The following WDPCP variants were observed in gnomAD, a reference collection of about 807,000 sequenced individuals.
The protein encoded by WDPCP is WD repeat containing planar cell polarity effector.
A neutral mutation model predicts 93.1 loss-of-function variants in WDPCP; 71 were observed. The ratio of observed to expected loss-of-function variants is 0.76; its 90% CI spans 0.63 to 0.93. WDPCP has a LOEUF of 0.93. Among genes scored for constraint, WDPCP ranks in the 40% least tolerant of loss-of-function variants. The pLI is 0.00. For synonymous variants in WDPCP, 315 were observed against 315.0 expected (o/e 1.00, Z 0.00); for missense variants, 844 against 887.4 (o/e 0.95, Z 0.62).
chr2:63,455,118 A>G (rs1228808338), intron 6 of WDPCP, among the ~76,000 whole-genome samples: 1 of 152,136 alleles, frequency 6.6e-6, no homozygotes, highest in Admixed American at 6.6e-5. Context: ...TATAAAAATC[A>G]TTGGTAATAC....
chr2:63,733,734 T>G (rs1452636091), intron 2 of WDPCP, among the ~76,000 whole-genome samples: 1 of 152,230 alleles, frequency 6.6e-6, no homozygotes, highest in Non-Finnish European at 1.5e-5. Flanking sequence ...GAATCTTCAA[T>G]TTGTATTTTT....
At chr2:63,748,806 A>C (rs1669836263) in intron 2 of WDPCP, among the ~76,000 whole-genome samples, 1 of 152,042 alleles carries the variant, frequency 6.6e-6, no homozygotes, top group African/African-American at 2.4e-5. Flanking sequence ...TTTTGTTGTG[A>C]GTTGTTCATT....
chr2:63,568,366 C>T (rs76220166), intron 1 of WDPCP, among the ~76,000 whole-genome samples: 2 of 150,182 alleles, frequency 1.3e-5, no homozygotes, highest in Non-Finnish European at 1.5e-5. Context: ...AAAAAAAAAC[C>T]TCTCTCTCTA....
intron 2 of WDPCP, among the ~76,000 whole-genome samples, chr2:63,750,550 G>T (rs750015770): frequency 6.6e-6 from 1 of 152,010 alleles, no homozygotes; most frequent in African/African-American, 2.4e-5. Context: ...TTGAGTACAA[G>T]TTGTAAGGGT....
intron 15 of WDPCP, among the ~76,000 whole-genome samples, chr2:63,161,767 C>CT (rs1177379979): frequency 0.033 from 4,615 of 140,448 alleles, 236 homozygotes; most frequent in African/African-American, 0.11. Context: ...TCATTTTTTT[C>CT]TTTTTTTTTT....
intron 3 of WDPCP, among the ~76,000 whole-genome samples, chr2:63,645,488 A>G (rs1710037177): frequency 6.6e-6 from 1 of 152,220 alleles, no homozygotes; most frequent in Non-Finnish European, 1.5e-5. Context: ...CAGCCATTGG[A>G]TGAAATGTTC....
chr2:63,164,018 C>T (rs1188119591), intron 15 of WDPCP, among the ~76,000 whole-genome samples: 1 of 152,104 alleles, frequency 6.6e-6, no homozygotes, highest in Non-Finnish European at 1.5e-5. Flanking sequence ...GGAAACCAAC[C>T]AGTATTGTAG....
Position 63,744,840 on chromosome 2 carries a change from A to T in WDPCP, n.308+68782T>A, listed in dbSNP as rs532904920. 8.6e-5 allele frequency among the ~76,000 whole-genome samples: 13 copies of T among 152,030 alleles called. No individual in the cohort carries two copies. In the South Asian group the frequency reaches 2.7e-3, roughly 32 times the overall value. ...CCTACCCACCCCACCTCCTGCACAA[A>T]TAGTTTCACCATCTGTCTATAACAC... On this transcript the variant is annotated intron_variant and non_coding_transcript_variant, in intron 2 of 4. Transcript: ENST00000467687.
At chr2:63,597,266 C>CT (rs1709331828) in intron 3 of WDPCP, 5 of 1,239,092 alleles carry the variant, frequency 4.0e-6, no homozygotes, top group Middle Eastern at 3.1e-4. Flanking sequence ...TCTCAGGCTC[C>CT]TGAAATGTAT....
intron 2 of WDPCP, among the ~76,000 whole-genome samples, chr2:63,702,186 C>T (rs1039415119): frequency 1.3e-5 from 2 of 151,744 alleles, no homozygotes; most frequent in Admixed American, 6.6e-5. Flanking sequence ...CCACCACACC[C>T]GGCTAATTTT....
intron 1 of WDPCP, among the ~76,000 whole-genome samples, chr2:63,818,194 T>C (rs530607667): frequency 1.3e-5 from 2 of 152,338 alleles, no homozygotes; most frequent in East Asian, 3.9e-4. Flanking sequence ...CAAGGCACTA[T>C]GCAGAGCATA....
intron 1 of WDPCP, among the ~76,000 whole-genome samples, chr2:63,521,037 G>C (rs1421286627): frequency 2.0e-5 from 3 of 152,066 alleles, no homozygotes; most frequent in Non-Finnish European, 4.4e-5. Flanking sequence ...CCCCAGACCT[G>C]CCTTACAAGA....
chr2:63,565,332 C>A (rs1010625874), intron 1 of WDPCP, among the ~76,000 whole-genome samples: 1 of 152,060 alleles, frequency 6.6e-6, no homozygotes, highest in Non-Finnish European at 1.5e-5. Flanking sequence ...CGCTTCAATA[C>A]GAGTTTGAAT....
chr2:63,157,775 C>A (rs1672358424), intron 15 of WDPCP, among the ~76,000 whole-genome samples: 1 of 152,026 alleles, frequency 6.6e-6, no homozygotes, highest in Admixed American at 6.5e-5. Context: ...TCTTCTTTTT[C>A]TCTTTGTCTG....
At chr2:63,550,758 T>C (rs190502192) in intron 1 of WDPCP, among the ~76,000 whole-genome samples, 64 of 141,100 alleles carry the variant, frequency 4.5e-4, no homozygotes, top group Middle Eastern at 3.6e-3. Flanking sequence ...TGTATATATA[T>C]ACACATATAT....
At chr2:63,589,674 T>C (rs1709123363), upstream of WDPCP, among the ~76,000 whole-genome samples, 1 of 152,234 alleles carries the variant, frequency 6.6e-6, no homozygotes, top group South Asian at 2.1e-4. Context: ...TTTATTGAAC[T>C]GTATATTGTG....
chr2:63,400,708 G>A (rs907712163), intron 10 of WDPCP, among the ~76,000 whole-genome samples: 2 of 152,126 alleles, frequency 1.3e-5, no homozygotes, highest in Non-Finnish European at 2.9e-5. Context: ...AAAAGAACAC[G>A]CTGGAGGCAT....
At chr2:63,257,461 G>T (rs1681243806) in intron 14 of WDPCP, among the ~76,000 whole-genome samples, 1 of 152,142 alleles carries the variant, frequency 6.6e-6, no homozygotes, top group Non-Finnish European at 1.5e-5. Flanking sequence ...GAATCACCCA[G>T]TTTTCTGCAG....
intron 14 of WDPCP, among the ~76,000 whole-genome samples, chr2:63,249,217 G>C (rs1680523510): frequency 6.6e-6 from 1 of 152,098 alleles, no homozygotes; most frequent in African/African-American, 2.4e-5. Context: ...CATAGGAATT[G>C]GCCTGAGGTA....
Sources: allele counts gnomAD v4.1 joint callset (sites outside exome capture counted in the v4.1 genomes callset), GRCh38; gene constraint gnomAD v4.1.1; transcripts MANE v1.5; gene names NCBI Gene and HGNC (gene_info 2026-07-23, HGNC 2026-07-21).